Variants in CNTN4 observed in about 807,000 individuals in gnomAD.
The protein encoded by CNTN4 is contactin 4.
A neutral mutation model predicts 122.5 loss-of-function variants in CNTN4; 77 were observed. That is an observed-to-expected ratio of 0.63 (90% CI 0.52 to 0.76). The LOEUF (loss-of-function observed/expected upper bound fraction) is 0.76. Among genes scored for constraint, CNTN4 ranks in the 30% least tolerant of loss-of-function variants. The pLI is 0.00. For missense variants in CNTN4, 1,256 were observed against 1,259.1 expected (o/e 1.00, Z 0.04); for synonymous variants, 512 against 447.0 (o/e 1.15, Z -1.83).
intron 3 of CNTN4, among the ~76,000 whole-genome samples, chr3:2,495,328 ACTT>A (rs1378649457): frequency 2.6e-5 from 4 of 152,342 alleles, no homozygotes; most frequent in African/African-American, 9.6e-5. Context: ...TGTGTTTTGA[ACTT>A]CTTCAAGTTC....
intron 3 of CNTN4, among the ~76,000 whole-genome samples, chr3:2,455,851 G>T (rs956386649): frequency 6.6e-6 from 1 of 151,990 alleles, no homozygotes; most frequent in African/African-American, 2.4e-5. Context: ...TGTTGTATTA[G>T]TGGAGACTAA....
chr3:2,707,149 C>T (rs1407977594), intron 4 of CNTN4, among the ~76,000 whole-genome samples: 3 of 150,128 alleles, frequency 2.0e-5, no homozygotes, highest in Non-Finnish European at 2.9e-5. Context: ...AAAAAAAATA[C>T]AAAAAAATTA....
At chr3:2,646,576 C>G (rs1449380361) in intron 4 of CNTN4, among the ~76,000 whole-genome samples, 1 of 152,112 alleles carries the variant, frequency 6.6e-6, no homozygotes, top group East Asian at 1.9e-4. Flanking sequence ...AGAATAGGCA[C>G]CCATATCAGA....
chr3:3,035,637 G>A (rs1699535298), intron 17 of CNTN4, among the ~76,000 whole-genome samples: 1 of 152,138 alleles, frequency 6.6e-6, no homozygotes, highest in Admixed American at 6.5e-5. Context: ...GCACACTGCA[G>A]CCTCGACCTC....
intron 4 of CNTN4, among the ~76,000 whole-genome samples, chr3:2,725,166 T>G (rs1316944675): frequency 6.6e-6 from 1 of 152,150 alleles, no homozygotes; most frequent in Non-Finnish European, 1.5e-5. Context: ...CAAGTGCTCT[T>G]TTTTCCTTGG....
chr3:2,274,095 G>A (rs540858655), intron 2 of CNTN4, among the ~76,000 whole-genome samples: 64 of 152,018 alleles, frequency 4.2e-4, no homozygotes, highest in African/African-American at 1.5e-3. Context: ...AAAAATCAAG[G>A]AATGAGGCTG....
chr3:2,521,333 C>CCA (rs2077205175), intron 3 of CNTN4, among the ~76,000 whole-genome samples: 1 of 112,030 alleles, frequency 8.9e-6, no homozygotes, highest in Admixed American at 9.7e-5. Context: ...CAAGGGTGGA[C>CCA]CTCTACCCAT....
intron 2 of CNTN4, among the ~76,000 whole-genome samples, chr3:2,308,860 A>G (rs1175578224): frequency 6.6e-6 from 1 of 152,080 alleles, no homozygotes; most frequent in Admixed American, 6.5e-5. Context: ...AAAAATGTAT[A>G]TAAAATATAG....
intron 2 of CNTN4, among the ~76,000 whole-genome samples, chr3:2,206,681 C>A (rs545495497): frequency 6.6e-6 from 1 of 151,144 alleles, no homozygotes. Context: ...AATATTCAGA[C>A]CTATCAACTG....
intron 3 of CNTN4, among the ~76,000 whole-genome samples, chr3:2,472,697 A>T (rs1296707738): frequency 1.3e-5 from 2 of 152,200 alleles, no homozygotes; most frequent in Admixed American, 6.5e-5. Flanking sequence ...CTAGAAATGA[A>T]TCCTTAAGCA....
intron 2 of CNTN4, among the ~76,000 whole-genome samples, chr3:2,135,263 G>C (rs1431366642): frequency 1.3e-5 from 2 of 152,164 alleles, no homozygotes; most frequent in Non-Finnish European, 2.9e-5. Context: ...GACAGGAAGA[G>C]ATGGGGTTAA....
intron 3 of CNTN4, among the ~76,000 whole-genome samples, chr3:2,526,570 A>G (rs1046183708): frequency 6.6e-6 from 1 of 152,284 alleles, no homozygotes; most frequent in African/African-American, 2.4e-5. Context: ...ATTCCAGTCT[A>G]AGAAAAAACT....
At chr3:3,028,800 T>C (rs539347595) in intron 15 of CNTN4, among the ~76,000 whole-genome samples, 1 of 152,332 alleles carries the variant, frequency 6.6e-6, no homozygotes, top group Admixed American at 6.5e-5. Flanking sequence ...TACTTTCTTA[T>C]ATACACTTGA....
intron 2 of CNTN4, among the ~76,000 whole-genome samples, chr3:2,278,908 A>G (rs547213591): frequency 1.2e-4 from 19 of 152,064 alleles, no homozygotes; most frequent in Non-Finnish European, 2.5e-4. Flanking sequence ...ATCTTTAGTT[A>G]TTATTATACC....
At chr3:2,221,322 A>G (rs2039052849) in intron 2 of CNTN4, among the ~76,000 whole-genome samples, 2 of 152,094 alleles carry the variant, frequency 1.3e-5, no homozygotes, top group South Asian at 2.1e-4. Flanking sequence ...TTTCATTCAC[A>G]TTAACATTTC....
At chr3:2,619,871 C>G (rs1040764289) in intron 4 of CNTN4, among the ~76,000 whole-genome samples, 1 of 152,196 alleles carries the variant, frequency 6.6e-6, no homozygotes, top group African/African-American at 2.4e-5. Flanking sequence ...CTTCATTTTC[C>G]TCATCAGAAC....
chr3:2,736,475 A>T lies in CNTN4; in HGVS notation c.182+134A>T, dbSNP rs6789880. ...ATTTTATTTTATTTTATATATTTAT[A>T]TTTTTGGGACCGAGTTTTGCTCTTG... On this transcript the variant is annotated intron_variant, in intron 5 of 24. Coordinates refer to ENST00000418658, the MANE Select transcript of CNTN4 (RefSeq NM_175607.3). 382,268 of 430,364 alleles carry T rather than the reference A, an allele frequency of 0.89. 173,997 individuals are homozygous for T. The highest frequency in any genetic ancestry group is 0.95 in the Non-Finnish European group (294,464 of 310,790). 26.7% of individuals were successfully genotyped at this position (430,364 alleles called of 1,614,324 possible). A position where few individuals can be genotyped will look rare whatever the true frequency, so the allele number is the denominator to read the frequency against.
intron 3 of CNTN4, among the ~76,000 whole-genome samples, chr3:2,343,918 T>A (rs1162511965): frequency 1.3e-5 from 2 of 152,074 alleles, no homozygotes; most frequent in African/African-American, 4.8e-5. Context: ...AAACTTACAA[T>A]TATGACAGAG....
At chr3:2,269,772 T>TA (rs1253362335) in intron 2 of CNTN4, among the ~76,000 whole-genome samples, 1 of 152,224 alleles carries the variant, frequency 6.6e-6, no homozygotes, top group East Asian at 1.9e-4. Context: ...CCCTTATTTA[T>TA]AAAAAACGAT....
Sources: allele counts gnomAD v4.1 joint callset (sites outside exome capture counted in the v4.1 genomes callset), GRCh38; gene constraint gnomAD v4.1.1; transcripts MANE v1.5; gene names NCBI Gene and HGNC (gene_info 2026-07-23, HGNC 2026-07-21).